Variants in TENM1 observed in about 807,000 individuals in gnomAD.
TENM1 encodes teneurin transmembrane protein 1.
In TENM1, 35 loss-of-function variants were observed where a neutral mutation model predicts 174.8. The ratio of observed to expected loss-of-function variants is 0.20; its 90% confidence interval spans 0.15 to 0.27. The LOEUF (loss-of-function observed/expected upper bound fraction) is 0.27, where lower values mean the gene tolerates loss of function less well. Ranked by LOEUF, TENM1 falls within the 10% of genes least tolerant of loss-of-function variation. TENM1 has a pLI of 1.00. For synonymous variants in TENM1, 781 were observed against 798.7 expected (o/e 0.98, Z 0.37); for missense variants, 1,633 against 2,130.1 (o/e 0.77, Z 4.59).
chrX:124,607,883 T>C (rs928233343), intron 11 of TENM1, among the ~76,000 whole-genome samples: 3 of 111,049 alleles, frequency 2.7e-5, no homozygotes, highest in Non-Finnish European at 5.7e-5. Context: ...AATGGTCAGA[T>C]TCTGGATATA....
At chrX:124,814,040 T>C (rs2147273736) in intron 3 of TENM1, among the ~76,000 whole-genome samples, 1 of 111,711 alleles carries the variant, frequency 9.0e-6, no homozygotes, top group South Asian at 3.7e-4. Flanking sequence ...GTCAATTGTA[T>C]AGATGGCTGA....
At chrX:124,985,021 T>TA in the TENM1 span, among the ~76,000 whole-genome samples, 1 of 112,001 alleles carries the variant, frequency 8.9e-6, no homozygotes, top group Non-Finnish European at 1.9e-5. Flanking sequence ...TATCAAAGGT[T>TA]AAAAATGTCC....
intron 3 of TENM1, among the ~76,000 whole-genome samples, chrX:124,802,282 C>A (rs918057121): frequency 3.6e-5 from 4 of 111,639 alleles, no homozygotes; most frequent in African/African-American, 1.3e-4. Flanking sequence ...GCTGGCCCTT[C>A]TATAGGGTTT....
chrX:124,482,951 C>G (rs1187084955), intron 21 of TENM1, among the ~76,000 whole-genome samples: 1 of 112,335 alleles, frequency 8.9e-6, no homozygotes, highest in Non-Finnish European at 1.9e-5. Flanking sequence ...TGTCTGTAAA[C>G]TAACTTTCAG....
chrX:125,155,764 A>C, the TENM1 span, among the ~76,000 whole-genome samples: 119 of 112,674 alleles, frequency 1.1e-3, no homozygotes, highest in African/African-American at 3.8e-3. Context: ...AGTGTGGGGC[A>C]GCTGAGCCCA....
At chrX:124,581,060 C>CTTTTTTTT (rs1202109466) in intron 11 of TENM1, among the ~76,000 whole-genome samples, 5 of 63,954 alleles carry the variant, frequency 7.8e-5, no homozygotes, top group Non-Finnish European at 1.1e-4. Flanking sequence ...ATACTTAGTT[C>CTTTTTTTT]TTTTTTTTTT....
At chrX:125,003,362 T>C in the TENM1 span, among the ~76,000 whole-genome samples, 2 of 111,931 alleles carry the variant, frequency 1.8e-5, no homozygotes, top group Non-Finnish European at 3.8e-5. Flanking sequence ...AATACATACA[T>C]AATGCCAACT....
At chrX:124,685,932 A>C (rs1238002802) in intron 5 of TENM1, among the ~76,000 whole-genome samples, 1 of 112,146 alleles carries the variant, frequency 8.9e-6, no homozygotes, top group Non-Finnish European at 1.9e-5. Context: ...AAGATTATTT[A>C]AAGAAATAAT....
the TENM1 span, among the ~76,000 whole-genome samples, chrX:125,059,724 A>G: frequency 9.0e-6 from 1 of 111,507 alleles, no homozygotes; most frequent in African/African-American, 3.3e-5. Context: ...CCTTCTAAGT[A>G]TTCATCAACA....
At chrX:124,815,359 T>C (rs1314101427) in intron 3 of TENM1, among the ~76,000 whole-genome samples, 2 of 112,099 alleles carry the variant, frequency 1.8e-5, no homozygotes, top group African/African-American at 3.2e-5. Context: ...AAGACAATTT[T>C]CAGTTTTATG....
At chrX:125,163,743 AT>A in the TENM1 span, among the ~76,000 whole-genome samples, 1 of 111,456 alleles carries the variant, frequency 9.0e-6, no homozygotes, top group Non-Finnish European at 1.9e-5. Context: ...TATTAATATA[AT>A]TTTTAATTTA....
intron 23 of TENM1, among the ~76,000 whole-genome samples, chrX:124,430,289 T>C: frequency 8.9e-6 from 1 of 111,784 alleles, no homozygotes; most frequent in Non-Finnish European, 1.9e-5. Context: ...GAAAGCTATG[T>C]ACTCTCTCCC....
intron 22 of TENM1, among the ~76,000 whole-genome samples, chrX:124,470,610 T>C (rs1350829656): frequency 9.0e-6 from 1 of 111,505 alleles, no homozygotes; most frequent in Non-Finnish European, 1.9e-5. Flanking sequence ...CTTTTAAATT[T>C]TTCTTCTTTC....
chrX:124,933,129 G>T (rs2058196724), intron 1 of TENM1, among the ~76,000 whole-genome samples: 1 of 111,956 alleles, frequency 8.9e-6, no homozygotes, highest in South Asian at 3.7e-4. Context: ...TATTCATGTG[G>T]TTGTAGTAGA....
chrX:124,957,721 G>A (rs981582462), intron 1 of TENM1, among the ~76,000 whole-genome samples: 5 of 111,194 alleles, frequency 4.5e-5, no homozygotes, highest in African/African-American at 6.5e-5. Flanking sequence ...AAAAAGAAGC[G>A]TTAAAAGAAC....
the TENM1 span, among the ~76,000 whole-genome samples, chrX:125,127,286 T>C: frequency 1.8e-5 from 2 of 111,835 alleles, no homozygotes; most frequent in Admixed American, 9.5e-5. Context: ...AGAACTCTTA[T>C]AGTATTGGAG....
Position 124,478,202 on chromosome X carries a change from C to T in TENM1, c.3949+3530G>A, listed in dbSNP as rs780464376. ...TAGTCAATGGCACCACTCAGCCTGTCTATCTTCGTGTTCGGGTAAATGAAA... is the reference window on the plus strand; with the variant it reads ...TAGTCAATGGCACCACTCAGCCTGTTTATCTTCGTGTTCGGGTAAATGAAA... On this transcript the variant is annotated intron_variant, in intron 22 of 31. Coordinates refer to ENST00000422452, the Ensembl canonical transcript of TENM1. Among the ~76,000 whole-genome samples, 5 of 112,581 alleles carry T rather than the reference C, an allele frequency of 4.4e-5. No homozygotes were observed. In the South Asian group the frequency reaches 1.9e-3, roughly 42 times the overall value.
At chrX:124,847,898 T>C (rs921564712) in intron 3 of TENM1, among the ~76,000 whole-genome samples, 2 of 111,147 alleles carry the variant, frequency 1.8e-5, no homozygotes, top group African/African-American at 6.5e-5. Context: ...ACAATTGTAT[T>C]TCTTTGGCAG....
chrX:124,970,891 G>A, the TENM1 span, among the ~76,000 whole-genome samples: 1 of 110,608 alleles, frequency 9.0e-6, no homozygotes. Flanking sequence ...CAACCCAAAT[G>A]TCCAACAATG....
Sources: gnomAD v4.1 joint callset for allele counts (sites outside exome capture counted in the v4.1 genomes callset) on GRCh38, gnomAD v4.1.1 for gene constraint, MANE v1.5 for transcripts, NCBI Gene and HGNC (gene_info 2026-07-23, HGNC 2026-07-21) for gene names.